Variants in NELL1 observed in about 807,000 individuals in gnomAD.
NELL1 encodes protein kinase C-binding protein NELL1.
A neutral mutation model predicts 107.4 loss-of-function variants in NELL1; 76 were observed. The ratio of observed to expected loss-of-function variants is 0.71; its 90% CI spans 0.59 to 0.86. The LOEUF is 0.86. Ranked by LOEUF, NELL1 falls within the 40% of genes least tolerant of loss-of-function variation. The pLI is 0.00. For missense variants in NELL1, 1,024 were observed against 1,005.5 expected (o/e 1.02, Z -0.25); for synonymous variants, 353 against 341.2 (o/e 1.03, Z -0.38).
chr11:21,340,176 G>A (rs765222574), intron 14 of NELL1, among the ~76,000 whole-genome samples: 6 of 151,940 alleles, frequency 3.9e-5, no homozygotes, highest in Non-Finnish European at 5.9e-5. Context: ...TTTTTGAGAC[G>A]GAGTCTCACT....
intron 3 of NELL1, among the ~76,000 whole-genome samples, chr11:20,826,254 G>T (rs761299799): frequency 6.6e-6 from 1 of 151,226 alleles, no homozygotes; most frequent in African/African-American, 2.4e-5. Flanking sequence ...TTACAGGACC[G>T]AGAAACTAGG....
At chr11:21,167,354 G>T (rs1856507143) in intron 13 of NELL1, among the ~76,000 whole-genome samples, 1 of 151,674 alleles carries the variant, frequency 6.6e-6, no homozygotes, top group Non-Finnish European at 1.5e-5. Flanking sequence ...GACCTGACTT[G>T]GGTACTGTTT....
intron 13 of NELL1, among the ~76,000 whole-genome samples, chr11:21,224,691 A>G (rs1394980401): frequency 6.6e-6 from 1 of 152,172 alleles, no homozygotes; most frequent in Non-Finnish European, 1.5e-5. Flanking sequence ...TCTTCAAAAG[A>G]GCTGTCTTCA....
At chr11:21,497,271 C>T (rs1384251232) in intron 15 of NELL1, among the ~76,000 whole-genome samples, 2 of 152,028 alleles carry the variant, frequency 1.3e-5, no homozygotes, top group Non-Finnish European at 1.5e-5. Context: ...CAAACCTGCA[C>T]GTTGTGCACA....
At chr11:21,550,541 T>A (rs1856554298) in intron 16 of NELL1, among the ~76,000 whole-genome samples, 1 of 152,048 alleles carries the variant, frequency 6.6e-6, no homozygotes, top group Non-Finnish European at 1.5e-5. Context: ...AGGGATCCAG[T>A]TTCAGCTTTC....
At chr11:20,758,740 C>G (rs1856352912) in intron 2 of NELL1, among the ~76,000 whole-genome samples, 1 of 152,108 alleles carries the variant, frequency 6.6e-6, no homozygotes, top group East Asian at 1.9e-4. Context: ...TAGCAGTATT[C>G]TTGACTGCTA....
chr11:21,437,570 T>C lies in NELL1; in HGVS notation c.1645+66622T>C, dbSNP rs542073031. Reference sequence around the variant, plus strand: ...GATGGGGTTTCTCCATGTTGGTCACTCTGGTCTCGAACTCCCGACCTCAAT... The same window carrying C: ...GATGGGGTTTCTCCATGTTGGTCACCCTGGTCTCGAACTCCCGACCTCAAT... On this transcript the variant is annotated intron_variant, in intron 15 of 19. Transcript: ENST00000357134. Among the ~76,000 whole-genome samples the C allele has an allele frequency of 1.2e-3, 182 of 152,172 alleles. 1 individual carries two copies. Among genetic ancestry groups the C allele is most frequent in the Middle Eastern group, 6.8e-3 (2 of 294 alleles).
chr11:21,343,020 C>T (rs1850608140), intron 14 of NELL1, among the ~76,000 whole-genome samples: 1 of 152,130 alleles, frequency 6.6e-6, no homozygotes. Flanking sequence ...GCCTAGGCCC[C>T]AGAGACCTGT....
At chr11:20,739,787 C>T (rs1420762362) in intron 2 of NELL1, among the ~76,000 whole-genome samples, 3 of 152,112 alleles carry the variant, frequency 2.0e-5, no homozygotes, top group African/African-American at 4.8e-5. Flanking sequence ...GCTTAATATA[C>T]TGTAGGGGGT....
chr11:20,747,847 C>T (rs553398232), intron 2 of NELL1, among the ~76,000 whole-genome samples: 2 of 152,270 alleles, frequency 1.3e-5, no homozygotes, highest in South Asian at 2.1e-4. Context: ...TATGGTTTCC[C>T]TTGCTTGAGC....
intron 15 of NELL1, among the ~76,000 whole-genome samples, chr11:21,427,758 A>C (rs1432582748): frequency 6.6e-6 from 1 of 152,188 alleles, no homozygotes; most frequent in African/African-American, 2.4e-5. Flanking sequence ...GTTGAATGGC[A>C]TAATTTTATA....
intron 3 of NELL1, among the ~76,000 whole-genome samples, chr11:20,784,216 G>A (rs534132447): frequency 6.6e-5 from 10 of 152,264 alleles, no homozygotes; most frequent in African/African-American, 2.2e-4. Flanking sequence ...GATCTTCATC[G>A]CAAAGATCAC....
chr11:21,186,047 T>C (rs1427437816), intron 13 of NELL1, among the ~76,000 whole-genome samples: 1 of 151,774 alleles, frequency 6.6e-6, no homozygotes, highest in Non-Finnish European at 1.5e-5. Flanking sequence ...AATGGTTAGC[T>C]GGATACATCT....
At chr11:21,116,986 C>A (rs1855252030) in intron 13 of NELL1, among the ~76,000 whole-genome samples, 1 of 151,982 alleles carries the variant, frequency 6.6e-6, no homozygotes, top group African/African-American at 2.4e-5. Flanking sequence ...AGTTTTCCTT[C>A]TTTCCCTTCT....
chr11:21,203,481 A>G (rs1318297699), intron 13 of NELL1, among the ~76,000 whole-genome samples: 4 of 114,902 alleles, frequency 3.5e-5, no homozygotes, highest in South Asian at 2.6e-4. Context: ...ATATTCCTCC[A>G]TCCTTTTATT....
At chr11:21,408,898 T>C (rs948431430) in intron 15 of NELL1, among the ~76,000 whole-genome samples, 1 of 151,830 alleles carries the variant, frequency 6.6e-6, no homozygotes, top group African/African-American at 2.4e-5. Context: ...CTCACACCAA[T>C]TAGAATGGCA....
chr11:21,358,481 C>A (rs1156315051), intron 14 of NELL1, among the ~76,000 whole-genome samples: 1 of 151,778 alleles, frequency 6.6e-6, no homozygotes, highest in African/African-American at 2.4e-5. Flanking sequence ...CTCACTGCAA[C>A]CTCTGCTCCC....
chr11:21,202,896 C>T (rs1010957358), intron 13 of NELL1, among the ~76,000 whole-genome samples: 5 of 151,886 alleles, frequency 3.3e-5, no homozygotes, highest in African/African-American at 7.3e-5. Context: ...AGTAGTCATT[C>T]GGTAGCAGGT....
intron 2 of NELL1, among the ~76,000 whole-genome samples, chr11:20,679,621 T>G (rs1854143316): frequency 6.6e-6 from 1 of 152,210 alleles, no homozygotes; most frequent in Non-Finnish European, 1.5e-5. Context: ...TTTTGCATTG[T>G]GCTATATCTG....
Sources: allele counts gnomAD v4.1 joint callset (sites outside exome capture counted in the v4.1 genomes callset), GRCh38; gene constraint gnomAD v4.1.1; transcripts MANE v1.5; gene names NCBI Gene and HGNC (gene_info 2026-07-23, HGNC 2026-07-21).